The following ZEB1 variants were observed in gnomAD, a reference collection of about 807,000 sequenced individuals.
The protein encoded by ZEB1 is zinc finger E-box binding homeobox 1, also known as zinc finger E-box-binding homeobox 1.
In ZEB1, 21 loss-of-function variants were observed where a neutral mutation model predicts 84.9. The observed-to-expected ratio is 0.25, with a 90% CI of 0.18 to 0.36. The LOEUF (loss-of-function observed/expected upper bound fraction) is 0.36. ZEB1 is among the 10% of genes least tolerant of loss of function. ZEB1 has a pLI of 1.00. For synonymous variants in ZEB1, 420 were observed against 471.1 expected (o/e 0.89, Z 1.41); for missense variants, 1,104 against 1,330.2 (o/e 0.83, Z 2.65).
rs999379567 is a variant in ZEB1, at chr10:31,521,095, C to T, written c.1763C>T (p.Pro588Leu). Residue 588 changes from proline to leucine, a missense_variant, in exon 7 of 9, where the codon CCA becomes CTA. Physicochemically the swap from Pro to Leu is moderately conservative, Grantham distance 98. Coordinates refer to ENST00000424869, the MANE Select transcript of ZEB1 (RefSeq NM_001174096.2). ...GATGGCAATTTGTCTCCTAGTCAGC[C>T]ACCTTTAAAGAACCTCTTGTCTCTC... ...TGDGNLSPSQ[P>L]PLKNLLSLLK... The T allele has an allele frequency of 2.7e-5, 44 of 1,614,054 alleles. No individual in the cohort carries two copies. Among genetic ancestry groups the T allele is most frequent in the Non-Finnish European group, 3.6e-5 (43 of 1,180,004 alleles).
chr10:31,318,916 G>A (rs894275086), upstream of ZEB1: 5 of 433,098 alleles, frequency 1.2e-5, no homozygotes, highest in Non-Finnish European at 2.2e-5. Context: ...CCGACAGCCC[G>A]TCGCCTTTCT....
chr10:31,523,385 ACACCTCTCT>A (rs1463557508), intron 7 of ZEB1, among the ~76,000 whole-genome samples: 2 of 152,190 alleles, frequency 1.3e-5, no homozygotes, highest in African/African-American at 4.8e-5. Context: ...GTGGTAGAGC[ACACCTCTCT>A]CTTTTCAAGG....
chr10:31,412,900 CTG>C (rs748090519), intron 1 of ZEB1, among the ~76,000 whole-genome samples: 124 of 152,282 alleles, frequency 8.1e-4, no homozygotes, highest in Non-Finnish European at 1.6e-3. Context: ...GTATAACTAA[CTG>C]AGAGAGAGAG....
chr10:31,350,555 A>G (rs1177064523), intron 1 of ZEB1, among the ~76,000 whole-genome samples: 8 of 152,164 alleles, frequency 5.3e-5, no homozygotes, highest in Admixed American at 3.9e-4. Context: ...CACCAGATGA[A>G]TAAAGGTTTT....
chr10:31,397,157 TTTTTA>T (rs2050902674), intron 1 of ZEB1, among the ~76,000 whole-genome samples: 2 of 118,694 alleles, frequency 1.7e-5, no homozygotes, highest in Admixed American at 8.6e-5. Flanking sequence ...CATCTTGGGT[TTTTTA>T]TTATTATTAT....
At chr10:31,456,258 C>T (rs1184134855) in intron 1 of ZEB1, among the ~76,000 whole-genome samples, 2 of 151,862 alleles carry the variant, frequency 1.3e-5, no homozygotes, top group African/African-American at 4.8e-5. Flanking sequence ...GGCCTGTTGG[C>T]GGGGTGGGGG....
At chr10:31,503,287 T>C (rs978933919) in intron 4 of ZEB1, among the ~76,000 whole-genome samples, 2 of 152,140 alleles carry the variant, frequency 1.3e-5, no homozygotes, top group African/African-American at 4.8e-5. Flanking sequence ...CTGAATTAGT[T>C]TGAATTATAG....
chr10:31,369,433 A>C (rs1478282369), intron 1 of ZEB1, among the ~76,000 whole-genome samples: 3 of 152,206 alleles, frequency 2.0e-5, no homozygotes, highest in African/African-American at 7.2e-5. Flanking sequence ...ATTAGATTCC[A>C]CATGCAAGTG....
Position 31,345,246 on chromosome 10 carries a change from C to A in ZEB1, c.58+25954C>A, listed in dbSNP as rs2040099614. Among the ~76,000 whole-genome samples the A allele has an allele frequency of 2.0e-5, 3 of 152,028 alleles. 1 individual carries two copies. In the South Asian group the frequency reaches 6.2e-4, roughly 32 times the overall value. ...TAAATCACTCCATTTGTCAGTTACT[C>A]CATTTACCTGAAGATTAAAGTATAC... On this transcript the variant is annotated intron_variant, in intron 1 of 8. Coordinates refer to ENST00000424869, the MANE Select transcript of ZEB1 (RefSeq NM_001174096.2).
intron 1 of ZEB1, among the ~76,000 whole-genome samples, chr10:31,359,424 C>G (rs2042629733): frequency 6.6e-6 from 1 of 151,922 alleles, no homozygotes; most frequent in African/African-American, 2.4e-5. Flanking sequence ...AAAATTCCAC[C>G]TTCATTTATA....
intron 1 of ZEB1, chr10:31,362,933 C>T: frequency 6.5e-7 from 1 of 1,531,538 alleles, no homozygotes; most frequent in Non-Finnish European, 8.7e-7. Context: ...TGGAGGCGTC[C>T]TTCTCTTTGG....
chr10:31,505,842 A>G (rs1461069299), intron 4 of ZEB1, among the ~76,000 whole-genome samples: 2 of 127,220 alleles, frequency 1.6e-5, no homozygotes, highest in Admixed American at 1.8e-4. Context: ...GCACATTGTT[A>G]GATTATTTGA....
chr10:31,367,241 G>A lies in ZEB1; in HGVS notation c.58+47949G>A, dbSNP rs534077880. Among the ~76,000 whole-genome samples, 14 of 152,264 alleles carry A rather than the reference G, an allele frequency of 9.2e-5. 1 individual carries two copies. The South Asian group carries it at 2.9e-3, about 32-fold the overall frequency. Reference sequence around the variant, plus strand: ...TTGCTTCCCGTTACTGTATTTATAAGATGATACTGGTATACGTAGTGTCTT... The same window carrying A: ...TTGCTTCCCGTTACTGTATTTATAAAATGATACTGGTATACGTAGTGTCTT... On this transcript the variant is annotated intron_variant, in intron 1 of 8. Coordinates refer to ENST00000424869, the MANE Select transcript of ZEB1 (RefSeq NM_001174096.2).
chr10:31,453,414 C>G (rs141646714), intron 1 of ZEB1, among the ~76,000 whole-genome samples: 101 of 152,176 alleles, frequency 6.6e-4, no homozygotes, highest in African/African-American at 2.4e-3. Context: ...CTTTATGAAG[C>G]ATTTAGGTGA....
intron 1 of ZEB1, among the ~76,000 whole-genome samples, chr10:31,379,508 T>G (rs150374513): frequency 6.6e-6 from 1 of 152,010 alleles, no homozygotes. Flanking sequence ...AGTAACAGTA[T>G]GTGCAAGTCA....
intron 2 of ZEB1, among the ~76,000 whole-genome samples, chr10:31,480,363 T>C (rs2064881625): frequency 6.6e-6 from 1 of 152,072 alleles, no homozygotes; most frequent in African/African-American, 2.4e-5. Context: ...AATGTATCAG[T>C]CACTATCTAA....
In ZEB1 at chr10:31,434,549, A is replaced by G. The variant is rs567040115; in HGVS notation, c.59-26488A>G. Among the ~76,000 whole-genome samples the G allele has an allele frequency of 2.0e-4, 30 of 152,336 alleles. No individual in the cohort carries two copies. The East Asian group carries it at 2.5e-3, about 13-fold the overall frequency. ...ATACTCTGAATTTTATTAGGAAGCC[A>G]TAAAAACAATTACCAAATCATTAAC... On this transcript the variant is annotated intron_variant, in intron 1 of 8. Coordinates refer to ENST00000424869, the MANE Select transcript of ZEB1 (RefSeq NM_001174096.2).
At chr10:31,450,129 T>C (rs1020701017) in intron 1 of ZEB1, among the ~76,000 whole-genome samples, 2 of 152,222 alleles carry the variant, frequency 1.3e-5, no homozygotes, top group African/African-American at 4.8e-5. Flanking sequence ...TGGATCAAAA[T>C]TGCATTGAAT....
Position 31,450,564 on chromosome 10 carries a change from T to G in ZEB1, c.59-10473T>G, listed in dbSNP as rs2060440684. ...AATATTTATACTTTCTCTTTTATTC[T>G]TTTTAAAAATTGGTTTATTCTTGTA... On this transcript the variant is annotated intron_variant, in intron 1 of 8. Transcript: ENST00000424869. 2.6e-5 allele frequency among the ~76,000 whole-genome samples: 4 copies of G among 152,272 alleles called. No homozygotes were observed. In the South Asian group the frequency reaches 8.3e-4, roughly 32 times the overall value.
Sources: allele counts gnomAD v4.1 joint callset (sites outside exome capture counted in the v4.1 genomes callset), GRCh38; gene constraint gnomAD v4.1.1; transcripts MANE v1.5; gene names NCBI Gene and HGNC (gene_info 2026-07-23, HGNC 2026-07-21).